Variants in DAAM1 observed in about 807,000 individuals in gnomAD.
The protein encoded by DAAM1 is dishevelled associated activator of morphogenesis 1.
Under a neutral mutation model 130.0 loss-of-function variants are expected in DAAM1, and 52 were observed. The ratio of observed to expected loss-of-function variants is 0.40; its 90% CI spans 0.32 to 0.50. The LOEUF (loss-of-function observed/expected upper bound fraction) is 0.50, where lower values mean the gene tolerates loss of function less well. DAAM1 is among the 20% of genes least tolerant of loss of function. The pLI, the probability that DAAM1 is intolerant of heterozygous loss-of-function variation, is 0.61. For synonymous variants in DAAM1, 452 were observed against 444.5 expected (o/e 1.02, Z -0.21); for missense variants, 1,134 against 1,303.8 (o/e 0.87, Z 2.01).
intron 21 of DAAM1, among the ~76,000 whole-genome samples, chr14:59,360,390 A>ATGTT (rs1886659010): frequency 3.3e-5 from 5 of 152,266 alleles, no homozygotes; most frequent in African/African-American, 7.2e-5. Flanking sequence ...AAAGCAGAAC[A>ATGTT]CTGATTATAC....
chr14:59,246,707 CTTG>C (rs1004473790), intron 1 of DAAM1, among the ~76,000 whole-genome samples: 3 of 152,070 alleles, frequency 2.0e-5, no homozygotes, highest in African/African-American at 7.2e-5. Flanking sequence ...CTTGCCAACG[CTTG>C]TTATTTTCTG....
intron 8 of DAAM1, 87 bp downstream of exon 8, chr14:59,324,541 C>T: frequency 1.4e-6 from 1 of 736,132 alleles, no homozygotes; most frequent in Non-Finnish European, 2.0e-6. Context: ...CCTGTGGTTA[C>T]TTGTGCCCTG....
At position 59,322,977 on chromosome 14, in the gene DAAM1, C is replaced by A. The variant is rs763089193; in HGVS notation, c.526C>A (p.Arg176=). The A allele has an allele frequency of 1.2e-6, 2 of 1,614,074 alleles. No individual in the cohort carries two copies. The highest frequency in any genetic ancestry group is 8.5e-7 in the Non-Finnish European group (1 of 1,179,998). ...KTMDYETSES[R]IHTSLIGCIK... ...CATGGACTACGAGACCTCAGAGTCTCGAATACATACTTCTCTCATTGGCTG... is the reference window on the plus strand; with the variant it reads ...CATGGACTACGAGACCTCAGAGTCTAGAATACATACTTCTCTCATTGGCTG... Residue 176 remains arginine (R), a synonymous_variant, in exon 6 of 25, where the codon CGA becomes AGA. Transcript: ENST00000360909.
At chr14:59,324,515 C>A in intron 8 of DAAM1, 61 bp downstream of exon 8, 1 of 1,094,868 alleles carries the variant, frequency 9.1e-7, no homozygotes. Flanking sequence ...TAATGCAATA[C>A]CTCATCAAGT....
intron 1 of DAAM1, among the ~76,000 whole-genome samples, chr14:59,195,067 C>T (rs755566165): frequency 2.0e-5 from 3 of 150,924 alleles, no homozygotes; most frequent in Admixed American, 6.6e-5. Flanking sequence ...TTAGGCTACA[C>T]AATCATAAAA....
At chr14:59,197,168 A>C (rs975163377) in intron 1 of DAAM1, among the ~76,000 whole-genome samples, 5 of 152,078 alleles carry the variant, frequency 3.3e-5, no homozygotes, top group African/African-American at 4.8e-5. Context: ...GATCCGCCCG[A>C]CTCAGCCTCC....
At chr14:59,362,097 C>A (rs1886728847) in intron 22 of DAAM1, among the ~76,000 whole-genome samples, 2 of 150,452 alleles carry the variant, frequency 1.3e-5, no homozygotes, top group South Asian at 4.2e-4. Context: ...TTTCTCCCAG[C>A]CCCAGAGGGT....
At chr14:59,256,500 C>T (rs940263831) in intron 1 of DAAM1, among the ~76,000 whole-genome samples, 2 of 152,186 alleles carry the variant, frequency 1.3e-5, no homozygotes, top group Non-Finnish European at 2.9e-5. Context: ...TAAATTGTTT[C>T]CTTGTGTATA....
chr14:59,267,912 T>C (rs915962667), intron 2 of DAAM1, among the ~76,000 whole-genome samples: 8 of 150,122 alleles, frequency 5.3e-5, no homozygotes, highest in African/African-American at 2.0e-4. Context: ...CTTTTTTTTT[T>C]TTTTTTTTGA....
At chr14:59,248,329 TTTTGTTTTGTTTTGTTTTG>T (rs1881488220) in intron 1 of DAAM1, among the ~76,000 whole-genome samples, 1 of 151,484 alleles carries the variant, frequency 6.6e-6, no homozygotes, top group Non-Finnish European at 1.5e-5. Context: ...TTTTGTTTTG[TTTTGTTTTGTTTTGTTTTG>T]TTTTGTTTGA....
intron 1 of DAAM1, among the ~76,000 whole-genome samples, chr14:59,201,656 G>A (rs1055807016): frequency 6.6e-6 from 1 of 152,070 alleles, no homozygotes; most frequent in African/African-American, 2.4e-5. Flanking sequence ...AAGTAGCTGA[G>A]CATAGTGGTA....
intron 4 of DAAM1, among the ~76,000 whole-genome samples, chr14:59,317,787 G>A (rs1884846264): frequency 6.6e-6 from 1 of 152,192 alleles, no homozygotes; most frequent in South Asian, 2.1e-4. Context: ...GAATTTAAAT[G>A]TATCCGTCTA....
chr14:59,365,099 A>G (rs975458197), intron 23 of DAAM1, among the ~76,000 whole-genome samples: 93 of 151,706 alleles, frequency 6.1e-4, no homozygotes, highest in African/African-American at 2.2e-3. Flanking sequence ...AGTAGCCAGC[A>G]TCGCGCTTCT....
chr14:59,240,426 G>C (rs539364027), intron 1 of DAAM1, among the ~76,000 whole-genome samples: 11 of 152,100 alleles, frequency 7.2e-5, no homozygotes, highest in Non-Finnish European at 1.5e-4. Flanking sequence ...AATCTTTATG[G>C]GACAGAAATC....
intron 1 of DAAM1, among the ~76,000 whole-genome samples, chr14:59,230,444 T>A (rs2139443132): frequency 6.6e-6 from 1 of 152,120 alleles, no homozygotes; most frequent in Admixed American, 6.6e-5. Context: ...ATATAACAGA[T>A]ACTAATTAAA....
Position 59,328,120 on chromosome 14 carries a change from G to T in DAAM1, c.1372+1129G>T, listed in dbSNP as rs566438638. ...ACCCCAATATTTAATGTGCTGAAAA[G>T]CAGGTCCCAGAGATGCCTAAGCATT... On this transcript the variant is annotated intron_variant, in intron 12 of 24. Transcript: ENST00000360909. 4.5e-4 allele frequency among the ~76,000 whole-genome samples: 69 copies of T among 152,288 alleles called. 1 individual carries two copies. In the Middle Eastern group the frequency reaches 0.01, roughly 23 times the overall value.
intron 16 of DAAM1, among the ~76,000 whole-genome samples, chr14:59,346,371 A>C (rs1179891992): frequency 6.6e-6 from 1 of 152,202 alleles, no homozygotes; most frequent in Non-Finnish European, 1.5e-5. Flanking sequence ...CTTTATCTCC[A>C]GTCCTAAATA....
At chr14:59,357,968 ACT>A (rs555883120) in intron 20 of DAAM1, among the ~76,000 whole-genome samples, 4 of 151,882 alleles carry the variant, frequency 2.6e-5, no homozygotes, top group Non-Finnish European at 5.9e-5. Context: ...TTGTTTGAAA[ACT>A]CTGATTCATT....
At chr14:59,304,004 A>G (rs1252979) in intron 3 of DAAM1, among the ~76,000 whole-genome samples, 21,096 of 152,230 alleles carry the variant, frequency 0.14, 1,645 homozygotes, top group Middle Eastern at 0.2. Flanking sequence ...CCTGTCCTTG[A>G]AAGCTCCTCT....
Sources: gnomAD v4.1 joint callset for allele counts (sites outside exome capture counted in the v4.1 genomes callset) on GRCh38, gnomAD v4.1.1 for gene constraint, MANE v1.5 for transcripts, NCBI Gene and HGNC (gene_info 2026-07-23, HGNC 2026-07-21) for gene names.